Variants in CCDC178 observed in about 807,000 individuals in gnomAD.
CCDC178 encodes coiled-coil domain-containing protein 178.
Under a neutral mutation model 117.4 loss-of-function variants are expected in CCDC178, and 126 were observed. The observed-to-expected ratio is 1.07, with a 90% CI of 0.93 to 1.24. CCDC178 has a LOEUF of 1.24. Ranked by LOEUF, CCDC178 falls within the 50% of genes most tolerant of loss-of-function variation. The pLI is 0.00. For synonymous variants in CCDC178, 283 were observed against 313.4 expected, an observed-to-expected ratio of 0.90 and a Z score of 1.02; for missense variants, 1,030 against 986.9, an observed-to-expected ratio of 1.04 and a Z score of -0.59.
At chr18:33,081,330 T>C (rs1432464507) in intron 21 of CCDC178, among the ~76,000 whole-genome samples, 1 of 152,242 alleles carries the variant, frequency 6.6e-6, no homozygotes, top group Non-Finnish European at 1.5e-5. Flanking sequence ...TGACACATTA[T>C]TGCAGCAAAA....
chr18:33,322,335 C>T (rs2145005127), intron 11 of CCDC178, among the ~76,000 whole-genome samples: 1 of 151,892 alleles, frequency 6.6e-6, no homozygotes, highest in African/African-American at 2.4e-5. Context: ...GAATGAACAC[C>T]TGGATAATGT....
chr18:32,980,125 G>A (rs1366185448), intron 21 of CCDC178, among the ~76,000 whole-genome samples: 3 of 150,430 alleles, frequency 2.0e-5, no homozygotes, highest in African/African-American at 7.4e-5. Context: ...AGGAAAGGAA[G>A]AATTTTTAAA....
chr18:33,403,692 AAACTGAC>A (rs1426071802), intron 3 of CCDC178, among the ~76,000 whole-genome samples: 1 of 152,210 alleles, frequency 6.6e-6, no homozygotes, highest in Non-Finnish European at 1.5e-5. Context: ...GTTACAATGT[AAACTGAC>A]ACCCCAAAAA....
intron 21 of CCDC178, among the ~76,000 whole-genome samples, chr18:33,046,138 C>T (rs1283279809): frequency 1.3e-5 from 2 of 152,150 alleles, no homozygotes; most frequent in African/African-American, 4.8e-5. Flanking sequence ...GAAATAAATA[C>T]AAATACATTT....
intron 21 of CCDC178, among the ~76,000 whole-genome samples, chr18:33,063,919 T>C (rs1449901564): frequency 6.6e-6 from 1 of 152,158 alleles, no homozygotes; most frequent in Non-Finnish European, 1.5e-5. Flanking sequence ...CAGATACAAC[T>C]AATGCTGATT....
At chr18:33,190,628 T>C (rs900715814) in intron 20 of CCDC178, among the ~76,000 whole-genome samples, 1 of 152,200 alleles carries the variant, frequency 6.6e-6, no homozygotes, top group Non-Finnish European at 1.5e-5. Context: ...ATTTCCAAGG[T>C]AGACATTTGA....
chr18:33,378,040 C>T (rs573061441), intron 5 of CCDC178, among the ~76,000 whole-genome samples: 27 of 152,260 alleles, frequency 1.8e-4, no homozygotes, highest in African/African-American at 3.6e-4. Flanking sequence ...TTGAGCCATA[C>T]GGCCATTTAA....
chr18:33,374,983 G>A (rs55676842), intron 5 of CCDC178, among the ~76,000 whole-genome samples: 3,643 of 152,226 alleles, frequency 0.024, 98 homozygotes, highest in Non-Finnish European at 0.033. Context: ...GAGGGGGCAC[G>A]AATGAACTTT....
At chr18:33,373,305 A>T (rs899160972) in intron 5 of CCDC178, among the ~76,000 whole-genome samples, 2 of 152,136 alleles carry the variant, frequency 1.3e-5, no homozygotes, top group South Asian at 2.1e-4. Flanking sequence ...TCAATGTGCA[A>T]TGCCGCTGTT....
chr18:33,245,683 C>A (rs569648301), intron 14 of CCDC178, among the ~76,000 whole-genome samples: 1 of 151,896 alleles, frequency 6.6e-6, no homozygotes, highest in South Asian at 2.1e-4. Context: ...CTTGGGGAAT[C>A]CGGGTGCTTG....
intron 21 of CCDC178, among the ~76,000 whole-genome samples, chr18:33,017,603 T>C (rs892526098): frequency 2.6e-5 from 4 of 151,932 alleles, no homozygotes; most frequent in Admixed American, 6.6e-5. Flanking sequence ...CTAAAATTCA[T>C]GTGGAAATAC....
intron 11 of CCDC178, among the ~76,000 whole-genome samples, chr18:33,322,033 A>G (rs1362514165): frequency 6.6e-6 from 1 of 151,998 alleles, no homozygotes; most frequent in Non-Finnish European, 1.5e-5. Context: ...AAAAAGGTCA[A>G]TTCCTAATGA....
chr18:33,317,212 T>C (rs2062432088), intron 11 of CCDC178, among the ~76,000 whole-genome samples: 1 of 152,068 alleles, frequency 6.6e-6, no homozygotes, highest in Non-Finnish European at 1.5e-5. Context: ...TAACACTCCC[T>C]GCGAAGGTCT....
intron 21 of CCDC178, among the ~76,000 whole-genome samples, chr18:33,066,556 G>C (rs1231960056): frequency 2.0e-5 from 3 of 152,040 alleles, no homozygotes; most frequent in African/African-American, 7.2e-5. Context: ...ACATAAACTG[G>C]CTAAATGGAA....
At chr18:33,188,533 T>C (rs2058821515) in intron 20 of CCDC178, among the ~76,000 whole-genome samples, 1 of 150,924 alleles carries the variant, frequency 6.6e-6, no homozygotes, top group African/African-American at 2.5e-5. Flanking sequence ...ATTTCAAAGG[T>C]GAGAAGAATT....
At chr18:33,110,283 A>C (rs564537761) in intron 20 of CCDC178, among the ~76,000 whole-genome samples, 5 of 151,654 alleles carry the variant, frequency 3.3e-5, no homozygotes, top group African/African-American at 7.2e-5. Context: ...TTTATTCATC[A>C]TGGATGAGAG....
chr18:33,159,894 C>A (rs2058442556), intron 20 of CCDC178, among the ~76,000 whole-genome samples: 1 of 151,972 alleles, frequency 6.6e-6, no homozygotes, highest in African/African-American at 2.4e-5. Context: ...TAACTCTAAC[C>A]TATACAGAAA....
intron 9 of CCDC178, among the ~76,000 whole-genome samples, chr18:33,340,497 G>A (rs1209765119): frequency 1.3e-5 from 2 of 152,280 alleles, no homozygotes; most frequent in Admixed American, 6.5e-5. Flanking sequence ...AGACCACGGG[G>A]AAAATGTCTC....
intron 14 of CCDC178, among the ~76,000 whole-genome samples, chr18:33,262,878 A>G (rs2059768242): frequency 6.6e-6 from 1 of 152,194 alleles, no homozygotes; most frequent in South Asian, 2.1e-4. Flanking sequence ...ATTAGACTGC[A>G]AAAAATGAGA....
Sources: gnomAD v4.1 joint callset for allele counts (sites outside exome capture counted in the v4.1 genomes callset) on GRCh38, gnomAD v4.1.1 for gene constraint, MANE v1.5 for transcripts, NCBI Gene and HGNC (gene_info 2026-07-23, HGNC 2026-07-21) for gene names.